The following UTRN variants were observed in gnomAD, a reference collection of about 807,000 sequenced individuals.
UTRN encodes the protein dystrophin-related protein 1.
Under a neutral mutation model 463.9 loss-of-function variants are expected in UTRN, and 283 were observed. That is an observed-to-expected ratio of 0.61 (90% CI 0.55 to 0.67). The LOEUF is 0.67. Ranked by LOEUF, UTRN falls within the 30% of genes least tolerant of loss-of-function variation. The pLI is 0.00. For missense variants in UTRN, 3,922 were observed against 4,084.3 expected, an observed-to-expected ratio of 0.96 and a Z score of 1.08; for synonymous variants, 1,442 against 1,431.5, an observed-to-expected ratio of 1.01 and a Z score of -0.17.
At position 144,458,989 on chromosome 6, in the gene UTRN, C is replaced by T; in HGVS notation, c.2504C>T (p.Pro835Leu). Residue 835 changes from proline to leucine, a missense_variant, in exon 20 of 75, where the codon CCA (proline) becomes CTA (leucine). Transcript: ENST00000367545. ...SISESSRQSL[P>L]SLKDSCQREL... Reference sequence around the variant, plus strand: ...TCTGAATCTTCCCGGCAGTCCTTGCCAAGCTTGAAGGATTCCTGTCAGGTA... The same window carrying T: ...TCTGAATCTTCCCGGCAGTCCTTGCTAAGCTTGAAGGATTCCTGTCAGGTA... 6.2e-7 allele frequency: 1 copy of T among 1,605,888 alleles called. No individual in the cohort carries two copies. Among genetic ancestry groups the T allele is most frequent in the Non-Finnish European group, 8.5e-7 (1 of 1,177,032 alleles).
In UTRN at chr6:144,611,773, A is replaced by G. The variant is rs554370913; in HGVS notation, c.7479+34485A>G. On this transcript the variant is annotated intron_variant, in intron 51 of 74. Coordinates refer to ENST00000367545, the MANE Select transcript of UTRN (RefSeq NM_007124.3). ...AAGACTTCATATTGTGAAAATTTCC[A>G]TACTACCCAATGTAATTTACATATT... is the stretch of plus-strand genomic sequence containing the variant. Among the ~76,000 whole-genome samples, 32 of 152,324 alleles carry G rather than the reference A, an allele frequency of 2.1e-4. 1 individual carries two copies. In the South Asian group the frequency reaches 5.4e-3, roughly 26 times the overall value.
chr6:144,448,030 A>G (rs1348491592), intron 16 of UTRN, among the ~76,000 whole-genome samples: 1 of 152,218 alleles, frequency 6.6e-6, no homozygotes, highest in Admixed American at 6.5e-5. Context: ...CTTAAATCTT[A>G]AGTAATCTTA....
intron 2 of UTRN, among the ~76,000 whole-genome samples, chr6:144,345,880 A>G (rs757725160): frequency 7.2e-5 from 11 of 152,194 alleles, no homozygotes; most frequent in Non-Finnish European, 1.6e-4. Context: ...AAACCTTTAA[A>G]TAATAAGCAG....
chr6:144,640,558 TAAA>T (rs931612515), intron 51 of UTRN, among the ~76,000 whole-genome samples: 54 of 152,274 alleles, frequency 3.5e-4, no homozygotes, highest in Non-Finnish European at 6.5e-4. Flanking sequence ...TTTTATCCCT[TAAA>T]GAGTATCTCA....
chr6:144,499,854 G>A (rs962773792), intron 34 of UTRN, among the ~76,000 whole-genome samples: 1 of 152,258 alleles, frequency 6.6e-6, no homozygotes, highest in Non-Finnish European at 1.5e-5. Flanking sequence ...ACTTGTAAGC[G>A]AGAACGTGGT....
rs118116143 is a variant in UTRN, at chr6:144,559,516, A to G, written c.7289+2205A>G. 1.6e-4 allele frequency among the ~76,000 whole-genome samples: 24 copies of G among 152,270 alleles called. No individual in the cohort carries two copies. In the East Asian group the frequency reaches 4.6e-3, roughly 29 times the overall value. The stretch of plus-strand genomic sequence containing the variant: ...TTAAATGGACATCTTTGTAGAATAT[A>G]TAAATCTTTCTTTGCCTTCTTAAAG... On this transcript the variant is annotated intron_variant, in intron 50 of 74. Coordinates refer to ENST00000367545, the MANE Select transcript of UTRN (RefSeq NM_007124.3).
Position 144,514,041 on chromosome 6 carries a change from G to A in UTRN, c.5073+4G>A. ...TAAACAGGAAGAAATTGTGAAGGTAGCAAACACAGACATCAGTAACGCTTT... is the reference window on the plus strand; with the variant it reads ...TAAACAGGAAGAAATTGTGAAGGTAACAAACACAGACATCAGTAACGCTTT... On this transcript the variant is annotated splice_donor_region_variant and intron_variant, in intron 36 of 74. Coordinates refer to ENST00000367545, the MANE Select transcript of UTRN (RefSeq NM_007124.3). 6.2e-7 allele frequency: 1 copy of A among 1,613,632 alleles called. No individual in the cohort carries two copies. Among genetic ancestry groups the A allele is most frequent in the Non-Finnish European group, 8.5e-7 (1 of 1,179,756 alleles).
Position 144,485,460 on chromosome 6 carries a change from C to T in UTRN, c.3763C>T (p.Arg1255Trp), listed in dbSNP as rs1159421762. The change falls in exon 28 of 75, where the codon CGG (arginine) becomes TGG (tryptophan). Residue 1255 changes from arginine to tryptophan, a missense_variant. Physicochemically the swap from Arg to Trp is moderately radical, Grantham distance 101 (BLOSUM62 -3). Around this residue, in one of 3 missense-constraint regions of UTRN, gnomAD observed 2,349 missense variants for 2,303.8 expected, o/e 1.02. Transcript: ENST00000367545. ...ETTWLNTLEE[R>W]MKSTEVLPEK... ...TACCTGGTTAAACACTTTGGAAGAG[C>T]GGATGAAGAGCACAGAGGTCCTGCC... 3.2e-5 allele frequency: 52 copies of T among 1,613,982 alleles called. No homozygotes were observed. Among genetic ancestry groups the T allele is most frequent in the East Asian group, 4.5e-5 (2 of 44,888 alleles).
At chr6:144,767,591 C>T (rs577554559) in intron 58 of UTRN, among the ~76,000 whole-genome samples, 5 of 151,984 alleles carry the variant, frequency 3.3e-5, no homozygotes, top group Non-Finnish European at 7.4e-5. Flanking sequence ...AATATTGTCA[C>T]CCAAGTCATA....
chr6:144,411,361 T>C (rs979123647), intron 3 of UTRN, among the ~76,000 whole-genome samples: 20 of 152,222 alleles, frequency 1.3e-4, no homozygotes, highest in African/African-American at 4.6e-4. Context: ...ATATCTGCTT[T>C]TGAGAATTGT....
At chr6:144,494,488 G>T (rs935904171) in intron 33 of UTRN, among the ~76,000 whole-genome samples, 3 of 152,188 alleles carry the variant, frequency 2.0e-5, no homozygotes, top group African/African-American at 7.2e-5. Flanking sequence ...TTATTGCAAA[G>T]AGCAAAAGAA....
chr6:144,626,908 C>A (rs997351524), intron 51 of UTRN, among the ~76,000 whole-genome samples: 1 of 152,204 alleles, frequency 6.6e-6, no homozygotes, highest in Non-Finnish European at 1.5e-5. Flanking sequence ...TTCTTATACA[C>A]AAATCACAGT....
At chr6:144,682,642 T>C (rs570406212) in intron 52 of UTRN, among the ~76,000 whole-genome samples, 16 of 152,194 alleles carry the variant, frequency 1.1e-4, no homozygotes, top group Non-Finnish European at 2.1e-4. Flanking sequence ...CTAGACAGCA[T>C]TTGTTATTGC....
At chr6:144,357,023 C>T (rs895219978) in intron 2 of UTRN, among the ~76,000 whole-genome samples, 1 of 151,988 alleles carries the variant, frequency 6.6e-6, no homozygotes, top group Non-Finnish European at 1.5e-5. Context: ...GACCCATAGC[C>T]TGTTGTAGGA....
chr6:144,374,666 T>G (rs764578446), intron 2 of UTRN, among the ~76,000 whole-genome samples: 1 of 151,316 alleles, frequency 6.6e-6, no homozygotes, highest in Non-Finnish European at 1.5e-5. Context: ...GTATTTTTAG[T>G]AGAGATGAGG....
chr6:144,375,954 T>C (rs1193794107), intron 2 of UTRN, among the ~76,000 whole-genome samples: 3 of 152,152 alleles, frequency 2.0e-5, no homozygotes, highest in Non-Finnish European at 1.5e-5. Context: ...AGCCTTTTTA[T>C]AAGTTGTAAT....
At chr6:144,576,954 C>T in intron 50 of UTRN, 145 bp from the exon 51 acceptor site, 1 of 661,472 alleles carries the variant, frequency 1.5e-6, no homozygotes, top group Non-Finnish European at 2.5e-6. Context: ...GACACACATA[C>T]AGATAAATCT....
chr6:144,537,970 A>G (rs1422791138), intron 44 of UTRN, among the ~76,000 whole-genome samples: 1 of 152,220 alleles, frequency 6.6e-6, no homozygotes, highest in Non-Finnish European at 1.5e-5. Flanking sequence ...TTTTTAGGAT[A>G]TTGTAAACTG....
intron 2 of UTRN, among the ~76,000 whole-genome samples, chr6:144,327,090 A>G (rs1370041226): frequency 6.6e-6 from 1 of 152,080 alleles, no homozygotes; most frequent in Non-Finnish European, 1.5e-5. Flanking sequence ...TTTTGTGAAT[A>G]TTCTGTAAGA....
Sources: gnomAD v4.1 joint callset for allele counts (sites outside exome capture counted in the v4.1 genomes callset) on GRCh38, gnomAD v4.1.1 for gene constraint, gnomAD v4.1.1 regional missense constraint, MANE v1.5 for transcripts, NCBI Gene and HGNC (gene_info 2026-07-23, HGNC 2026-07-21) for gene names.